LARP1B: variants seen among roughly 807,000 people sequenced by gnomAD.
The protein encoded by LARP1B is La ribonucleoprotein 1B.
In LARP1B, 76 loss-of-function variants were observed where a neutral mutation model predicts 114.2. That is an observed-to-expected ratio of 0.67 (90% CI 0.55 to 0.81). LARP1B has a LOEUF of 0.81. Ranked by LOEUF, LARP1B falls within the 30% of genes least tolerant of loss-of-function variation. LARP1B has a pLI of 0.00. For synonymous variants in LARP1B, 345 were observed against 348.0 expected (o/e 0.99, Z 0.10); for missense variants, 1,014 against 1,075.8 (o/e 0.94, Z 0.80).
At chr4:128,092,323 A>T (rs750549701) in intron 7 of LARP1B, among the ~76,000 whole-genome samples, 26 of 152,104 alleles carry the variant, frequency 1.7e-4, no homozygotes, top group Non-Finnish European at 3.4e-4. Context: ...TTAAATGGGG[A>T]CTACCTTATA....
chr4:128,073,733 G>A (rs1250439226), intron 1 of LARP1B, among the ~76,000 whole-genome samples: 2 of 150,232 alleles, frequency 1.3e-5, no homozygotes, highest in Admixed American at 6.7e-5. Flanking sequence ...TGGGACTATG[G>A]GCATGTGCTA....
intron 1 of LARP1B, among the ~76,000 whole-genome samples, chr4:128,073,712 T>C (rs996567801): frequency 3.6e-4 from 53 of 147,378 alleles, no homozygotes; most frequent in Middle Eastern, 3.6e-3. Context: ...TGCCTCAGCC[T>C]TCTGAGTAGC....
At chr4:128,191,318 G>A (rs1752196325) in intron 15 of LARP1B, among the ~76,000 whole-genome samples, 2 of 151,996 alleles carry the variant, frequency 1.3e-5, no homozygotes, top group Admixed American at 1.3e-4. Context: ...TGTTTCTCGT[G>A]GATGTACATT....
At chr4:128,112,797 A>G (rs1195014624) in intron 9 of LARP1B, among the ~76,000 whole-genome samples, 5 of 152,108 alleles carry the variant, frequency 3.3e-5, no homozygotes, top group Admixed American at 6.6e-5. Flanking sequence ...TGAACAGCAC[A>G]GTTCTAGAGC....
chr4:128,160,119 A>G (rs180873044), intron 11 of LARP1B, among the ~76,000 whole-genome samples: 6 of 152,344 alleles, frequency 3.9e-5, no homozygotes, highest in Non-Finnish European at 7.4e-5. Flanking sequence ...AGTTGTAGCA[A>G]TGAAGTAGTC....
chr4:128,196,255 AAAAAAAAAAAAAG>A (rs1754043963), intron 15 of LARP1B, among the ~76,000 whole-genome samples: 2 of 150,880 alleles, frequency 1.3e-5, no homozygotes, highest in Admixed American at 6.6e-5. Context: ...TGTCAAAAAA[AAAAAAAAAAAAAG>A]AAAGAAAGAA....
chr4:128,210,693 C>T lies in LARP1B; in HGVS notation c.*640C>T. On this transcript the variant is annotated 3_prime_UTR_variant, in exon 20 of 20. Coordinates refer to ENST00000326639, the MANE Select transcript of LARP1B (RefSeq NM_018078.4). ...ACAATGAGTATATGCACTTTTGATG[C>T]TAGGTTTTGCTTTTCTCCCCCCAGT... The T allele has an allele frequency of 1.0e-6, 1 of 984,042 alleles. No homozygotes were observed. The highest frequency in any genetic ancestry group is 1.1e-4 in the East Asian group (1 of 8,816). The allele number at this position is 984,042 out of a possible 1,614,324, so 61.0% of individuals were successfully genotyped here. A position where few individuals can be genotyped will look rare whatever the true frequency, so the allele number is the denominator to read the frequency against.
In LARP1B at chr4:128,069,653, G is replaced by T. The variant is rs895910285; in HGVS notation, c.-77-4807G>T. 1.2e-5 allele frequency: 7 copies of T among 563,098 alleles called. No homozygotes were observed. The Admixed American group carries it at 1.7e-4, about 14-fold the overall frequency. 34.9% of individuals were successfully genotyped at this position (563,098 alleles called of 1,614,324 possible). A position where few individuals can be genotyped will look rare whatever the true frequency, so the allele number is the denominator to read the frequency against. Reference sequence around the variant, plus strand: ...GGCTGCTGCTAGACAGAAGGGGCACGGATTCTTTTATTAAAATCACAATAT... The same window carrying T: ...GGCTGCTGCTAGACAGAAGGGGCACTGATTCTTTTATTAAAATCACAATAT... On this transcript the variant is annotated intron_variant, in intron 1 of 19. Transcript: ENST00000326639.
At position 128,207,316 on chromosome 4, in the gene LARP1B, A is replaced by G. The variant is rs1347504015; in HGVS notation, c.2480A>G (p.Gln827Arg). 2 of 1,561,848 alleles carry G rather than the reference A, an allele frequency of 1.3e-6. No individual in the cohort carries two copies. The highest frequency in any genetic ancestry group is 8.7e-7 in the Non-Finnish European group (1 of 1,151,832). ...AYLKYSQSKTQSIDPKLQEYL... is the reference protein window; with the variant it reads ...AYLKYSQSKTRSIDPKLQEYL... ...TTGAAATATTCTCAATCTAAGACAC[A>G]GTCTATTGACCCAAAACTTCAGGAA... Residue 827 changes from glutamine (Q) to arginine (R), a missense_variant, in exon 19 of 20, where the codon CAG (glutamine) becomes CGG (arginine). By Grantham distance (43) the Gln-to-Arg change is conservative. Transcript: ENST00000326639.
intron 11 of LARP1B, chr4:128,155,977 C>T: frequency 6.5e-7 from 1 of 1,534,202 alleles, no homozygotes. Context: ...AGCCCCCTGC[C>T]GCCCTGTACC....
intron 3 of LARP1B, among the ~76,000 whole-genome samples, chr4:128,077,362 G>T (rs1367203971): frequency 1.3e-5 from 2 of 151,924 alleles, no homozygotes; most frequent in Non-Finnish European, 2.9e-5. Context: ...TTAGCCAGGT[G>T]TGGTGACATG....
chr4:128,098,053 T>C, intron 7 of LARP1B, 133 bp from the exon 8 acceptor site: 1 of 641,582 alleles, frequency 1.6e-6, no homozygotes, highest in Non-Finnish European at 2.7e-6. Context: ...TGTGTTGTAT[T>C]AGAGCTATAC....
At chr4:128,069,124 G>T in intron 1 of LARP1B, 2 of 1,088,958 alleles carry the variant, frequency 1.8e-6, no homozygotes, top group African/African-American at 1.5e-5. Flanking sequence ...TGGCTCTTTC[G>T]GCCTGCAGAT....
At chr4:128,207,190 A>T in intron 18 of LARP1B, 66 bp from the exon 19 acceptor site, 1 of 704,552 alleles carries the variant, frequency 1.4e-6, no homozygotes, top group Non-Finnish European at 2.1e-6. Flanking sequence ...TGATAGGATT[A>T]TATTTAATGT....
intron 15 of LARP1B, among the ~76,000 whole-genome samples, chr4:128,187,394 T>G (rs1750726911): frequency 6.6e-6 from 1 of 152,232 alleles, no homozygotes; most frequent in Non-Finnish European, 1.5e-5. Flanking sequence ...AAGGATATTA[T>G]TTTGGAACTT....
intron 1 of LARP1B, among the ~76,000 whole-genome samples, chr4:128,065,970 A>G (rs1762633351): frequency 6.6e-6 from 1 of 151,574 alleles, no homozygotes; most frequent in Non-Finnish European, 1.5e-5. Context: ...CACGCATGTC[A>G]TTCCATGGAA....
At chr4:128,065,295 TTCTTTCTTTCTTTCTTTCTTTC>T (rs1345357763) in intron 1 of LARP1B, among the ~76,000 whole-genome samples, 11 of 135,064 alleles carry the variant, frequency 8.1e-5, no homozygotes, top group African/African-American at 2.9e-4. Context: ...CTTTCTTTCT[TTCTTTCTTTCTTTCTTTCTTTC>T]TCTCTCTCTC....
intron 11 of LARP1B, among the ~76,000 whole-genome samples, chr4:128,136,615 C>T (rs1394999941): frequency 6.6e-6 from 1 of 152,168 alleles, no homozygotes; most frequent in Non-Finnish European, 1.5e-5. Context: ...AAAGTAATTT[C>T]AGAAACGTTT....
rs781507379 is a variant in LARP1B, at chr4:128,210,005, C to T, written c.2697C>T (p.Asn899=). 6.8e-6 allele frequency: 11 copies of T among 1,613,992 alleles called. No individual in the cohort carries two copies. In the African/African-American group the frequency reaches 1.5e-4, roughly 22 times the overall value. ...CCAGTGAGCTTCAGGTACCAATAAA[C>T]TCTCCCAGAAGGAATATTTCACCGG... is the stretch of plus-strand genomic sequence containing the variant. The part of the protein sequence containing the change: ...TSTSELQVPI[N]SPRRNISPES... The change falls in exon 20 of 20, where the codon AAC becomes AAT. Residue 899 remains asparagine, a synonymous_variant. Coordinates refer to ENST00000326639, the MANE Select transcript of LARP1B (RefSeq NM_018078.4).
Sources: allele counts gnomAD v4.1 joint callset (sites outside exome capture counted in the v4.1 genomes callset), GRCh38; gene constraint gnomAD v4.1.1; transcripts MANE v1.5; gene names NCBI Gene and HGNC (gene_info 2026-07-23, HGNC 2026-07-21).